MAPK8IP3: variants seen among roughly 807,000 people sequenced by gnomAD.
MAPK8IP3 encodes C-Jun-amino-terminal kinase-interacting protein 3.
MAPK8IP3 carries 49 observed loss-of-function variants against 157.8 expected under a neutral mutation model. The ratio of observed to expected loss-of-function variants is 0.31; its 90% CI spans 0.25 to 0.39. The LOEUF is 0.39. MAPK8IP3 is among the 10% of genes least tolerant of loss of function. The pLI, the probability that MAPK8IP3 is intolerant of heterozygous loss-of-function variation, is 1.00. For synonymous variants in MAPK8IP3, 897 were observed against 777.7 expected, an observed-to-expected ratio of 1.15 and a Z score of -2.55; for missense variants, 1,478 against 1,889.4, an observed-to-expected ratio of 0.78 and a Z score of 4.04.
At chr16:1,714,762 G>C (rs573700654) in intron 1 of MAPK8IP3, among the ~76,000 whole-genome samples, 2 of 152,264 alleles carry the variant, frequency 1.3e-5, no homozygotes, top group Admixed American at 6.5e-5. Flanking sequence ...TTTGAGAGCA[G>C]GGACCCTTTG....
At chr16:1,756,523 C>G (rs781644827) in intron 8 of MAPK8IP3, among the ~76,000 whole-genome samples, 2 of 151,458 alleles carry the variant, frequency 1.3e-5, no homozygotes, top group Non-Finnish European at 2.9e-5. Context: ...TGGCTCACAC[C>G]CGTAATCCCA....
intron 5 of MAPK8IP3, chr16:1,746,220 C>T (rs1426563471): frequency 2.0e-5 from 3 of 152,274 alleles, no homozygotes; most frequent in Non-Finnish European, 2.9e-5. Context: ...AAGACGAGAA[C>T]GTTTGGGGCT....
At position 1,766,161 on chromosome 16, in the gene MAPK8IP3, T is replaced by C; in HGVS notation, c.2629+19T>C. On this transcript the variant is annotated intron_variant, in intron 21 of 31. Transcript: ENST00000610761. ...GGGCAGGGTGAGTCCTGGGCGAGTT[T>C]CCCCCATCCCCTCATTCCCACGTTT... The C allele has an allele frequency of 6.2e-7, 1 of 1,602,266 alleles. No individual in the cohort carries two copies.
At chr16:1,709,501 A>AG (rs2037620406) in intron 1 of MAPK8IP3, among the ~76,000 whole-genome samples, 1 of 152,288 alleles carries the variant, frequency 6.6e-6, no homozygotes, top group Non-Finnish European at 1.5e-5. Flanking sequence ...GTCAGGGCAG[A>AG]ACCCTTGACG....
chr16:1,728,794 C>T (rs1005504587), intron 2 of MAPK8IP3, among the ~76,000 whole-genome samples: 2 of 145,002 alleles, frequency 1.4e-5, no homozygotes, highest in African/African-American at 5.4e-5. Context: ...CATGGCACAG[C>T]GCACACAGCA....
At position 1,730,890 on chromosome 16, in the gene MAPK8IP3, G is replaced by A. The variant is rs559072837; in HGVS notation, c.602+1312G>A. ...CACAGTGGCTCACACCTGTAATCCCGGCACTTTGGAAGGCTGAGGCCGGCA... is the reference window on the plus strand; with the variant it reads ...CACAGTGGCTCACACCTGTAATCCCAGCACTTTGGAAGGCTGAGGCCGGCA... On this transcript the variant is annotated intron_variant, in intron 4 of 31. Coordinates refer to ENST00000610761, the MANE Select transcript of MAPK8IP3 (RefSeq NM_001318852.2). 1.0e-4 allele frequency among the ~76,000 whole-genome samples: 15 copies of A among 146,938 alleles called. 1 individual carries two copies. The highest frequency in any genetic ancestry group is 8.3e-4 in the Admixed American group (12 of 14,464).
At chr16:1,712,418 C>T (rs923580250) in intron 1 of MAPK8IP3, among the ~76,000 whole-genome samples, 1 of 152,040 alleles carries the variant, frequency 6.6e-6, no homozygotes, top group Non-Finnish European at 1.5e-5. Flanking sequence ...CTTCTGCTTC[C>T]AGTCACCACC....
At position 1,766,402 on chromosome 16, in the gene MAPK8IP3, C is replaced by T; in HGVS notation, c.2812C>T (p.Pro938Ser). Residue 938 changes from proline (P) to serine (S), a missense_variant, in exon 22 of 32, where the codon CCT (proline) becomes TCT (serine). Coordinates refer to ENST00000610761, the MANE Select transcript of MAPK8IP3 (RefSeq NM_001318852.2). The stretch of plus-strand genomic sequence containing the variant: ...CCCGACCCCGTCCTCTGGCCCCCAG[C>T]CTGGCAGGTGAGCTCTTGGGCTGGG... Reference protein sequence around the residue: ...PAPTPSSGPQPGSENGPEPDS... With the variant: ...PAPTPSSGPQSGSENGPEPDS... 6.2e-7 allele frequency: 1 copy of T among 1,609,994 alleles called. No homozygotes were observed. The highest frequency in any genetic ancestry group is 8.5e-7 in the Non-Finnish European group (1 of 1,178,186).
chr16:1,706,423 G>T lies in MAPK8IP3; in HGVS notation c.84G>T (p.Arg28=), dbSNP rs1244342513. 6.2e-7 allele frequency: 1 copy of T among 1,613,756 alleles called. No individual in the cohort carries two copies. ...DYCSGSVMSE[R]VSGLAGSIYR... ...GCTCCGGCTCGGTGATGTCGGAGCG[G>T]GTGTCGGGCCTGGCGGGCTCCATCT... The change falls in exon 1 of 32, where the codon CGG becomes CGT. Residue 28 remains arginine, a synonymous_variant. Coordinates refer to ENST00000610761, the MANE Select transcript of MAPK8IP3 (RefSeq NM_001318852.2). This position sits in a 1 kb window ranked among gnomAD's most constrained non-coding sequence, Gnocchi z 5.1.
At chr16:1,715,709 A>G (rs897610134) in intron 1 of MAPK8IP3, among the ~76,000 whole-genome samples, 10 of 151,858 alleles carry the variant, frequency 6.6e-5, no homozygotes, top group Admixed American at 2.0e-4. Context: ...TGGCCTAACA[A>G]ACGTATGAGA....
rs149621158 is a variant in MAPK8IP3 at position 1,755,206 on chromosome 16, T to C, written c.1217-2942T>C. Among the ~76,000 whole-genome samples, 400 of 152,334 alleles carry C rather than the reference T, an allele frequency of 2.6e-3. 1 individual carries two copies. Among genetic ancestry groups the C allele is most frequent in the Non-Finnish European group, 4.2e-3 (286 of 68,032 alleles). On this transcript the variant is annotated intron_variant, in intron 8 of 31. Coordinates refer to ENST00000610761, the MANE Select transcript of MAPK8IP3 (RefSeq NM_001318852.2). ...CCTGGAGCCATGGGGAATTCATCTA[T>C]GTATGACAAGTATGGCATCTCAAAC... is the stretch of plus-strand genomic sequence containing the variant.
In MAPK8IP3 at chr16:1,768,926, A is replaced by G. The variant is rs748805421; in HGVS notation, c.*102A>G. ...AGCCAGGCGCCGCCGCCCCTCTTCT[A>G]ACCTCTCAACCTGCAGCTTTCACCT... On this transcript the variant is annotated 3_prime_UTR_variant, in exon 32 of 32. Coordinates refer to ENST00000610761, the MANE Select transcript of MAPK8IP3 (RefSeq NM_001318852.2). 46 of 1,339,718 alleles carry G rather than the reference A, an allele frequency of 3.4e-5. No individual in the cohort carries two copies. Among genetic ancestry groups the G allele is most frequent in the African/African-American group, 5.8e-5 (4 of 69,224 alleles). 83.0% of individuals were successfully genotyped at this position (1,339,718 alleles called of 1,614,324 possible).
Position 1,766,183 on chromosome 16 carries a change from G to A in MAPK8IP3, c.2630-37G>A, listed in dbSNP as rs776629863. ...GTTTCCCCCATCCCCTCATTCCCAC[G>A]TTTCTGCCCAGCCCAAGCTCACCTC... On this transcript the variant is annotated intron_variant, in intron 21 of 31. Coordinates refer to ENST00000610761, the MANE Select transcript of MAPK8IP3 (RefSeq NM_001318852.2). 3.2e-5 allele frequency: 52 copies of A among 1,601,720 alleles called. No individual in the cohort carries two copies. In the Middle Eastern group the frequency reaches 5.0e-4, roughly 15 times the overall value.
At chr16:1,709,653 A>T (rs2037636095) in intron 1 of MAPK8IP3, among the ~76,000 whole-genome samples, 1 of 152,280 alleles carries the variant, frequency 6.6e-6, no homozygotes, top group Non-Finnish European at 1.5e-5. Flanking sequence ...AGAAGGTGGG[A>T]AACAGCAGCT....
At chr16:1,762,775 G>A (rs760143887) in intron 15 of MAPK8IP3, 44 bp downstream of exon 15, 3 of 1,591,258 alleles carry the variant, frequency 1.9e-6, no homozygotes, top group Non-Finnish European at 1.7e-6. Flanking sequence ...AGCTGCAGGG[G>A]AAGGGGCAGG....
chr16:1,721,548 C>G (rs113104370), intron 1 of MAPK8IP3, among the ~76,000 whole-genome samples: 7 of 152,298 alleles, frequency 4.6e-5, no homozygotes, highest in Non-Finnish European at 1.0e-4. Context: ...GCACCGACCT[C>G]CTGGGCTCAG....
Position 1,729,498 on chromosome 16 carries a change from C to T in MAPK8IP3, c.522C>T (p.Thr174=). Residue 174 remains threonine, a synonymous_variant, in exon 4 of 32, where the codon ACC becomes ACT. Transcript: ENST00000610761. ...LHQRHTEMIQ[T]YVEHIERSKM... is the part of the protein sequence containing the mutation. ...TTCCCTCCTCGCAGATGATACAGACCTACGTGGAGCACATTGAGAGGTCCA... is the reference window on the plus strand; with the variant it reads ...TTCCCTCCTCGCAGATGATACAGACTTACGTGGAGCACATTGAGAGGTCCA... 4 of 1,612,978 alleles carry T rather than the reference C, an allele frequency of 2.5e-6. No individual in the cohort carries two copies. Among genetic ancestry groups the T allele is most frequent in the Non-Finnish European group, 3.4e-6 (4 of 1,179,700 alleles).
At chr16:1,722,645 G>A (rs1452222390) in intron 1 of MAPK8IP3, among the ~76,000 whole-genome samples, 2 of 152,048 alleles carry the variant, frequency 1.3e-5, no homozygotes, top group East Asian at 3.9e-4. Flanking sequence ...TGGGAGGATC[G>A]CTTGAGCCCA....
chr16:1,755,827 G>A (rs1323186106), intron 8 of MAPK8IP3, among the ~76,000 whole-genome samples: 1 of 148,988 alleles, frequency 6.7e-6, no homozygotes, highest in Non-Finnish European at 1.5e-5. Flanking sequence ...ACTCCAGCCT[G>A]GTGACAGAGT....
Sources: gnomAD v4.1 joint callset for allele counts (sites outside exome capture counted in the v4.1 genomes callset) on GRCh38, gnomAD v4.1.1 for gene constraint, Gnocchi (gnomAD v3.1) non-coding constraint, MANE v1.5 for transcripts, NCBI Gene and HGNC (gene_info 2026-07-23, HGNC 2026-07-21) for gene names.